The following FHAD1 variants were observed in gnomAD, a reference collection of about 807,000 sequenced individuals.
FHAD1 encodes the protein forkhead-associated domain-containing protein 1.
In FHAD1, 146 loss-of-function variants were observed where a neutral mutation model predicts 191.3. That is an observed-to-expected ratio of 0.76 (90% CI 0.67 to 0.88). The LOEUF (loss-of-function observed/expected upper bound fraction) is 0.88, where lower values mean the gene tolerates loss of function less well. FHAD1 is among the 40% of genes least tolerant of loss of function. The pLI is 0.00. For missense variants in FHAD1, 1,635 were observed against 1,785.8 expected (o/e 0.92, Z 1.52); for synonymous variants, 616 against 672.3 (o/e 0.92, Z 1.29).
chr1:15,371,818 A>T (rs547202190), intron 26 of FHAD1, among the ~76,000 whole-genome samples: 1 of 152,248 alleles, frequency 6.6e-6, no homozygotes, highest in South Asian at 2.1e-4. Flanking sequence ...GCGAGGCCGT[A>T]CTAAGCGCAG....
At chr1:15,390,427 G>C (rs1703679072) in intron 32 of FHAD1, among the ~76,000 whole-genome samples, 1 of 150,916 alleles carries the variant, frequency 6.6e-6, no homozygotes, top group African/African-American at 2.4e-5. Flanking sequence ...ATCTGCTGGT[G>C]ACACTAGGCC....
At chr1:15,369,090 A>C (rs111469676) in intron 25 of FHAD1, among the ~76,000 whole-genome samples, 179 of 152,318 alleles carry the variant, frequency 1.2e-3, no homozygotes, top group African/African-American at 4.2e-3. Flanking sequence ...AGCCACACAT[A>C]AAGTGTTAGA....
At position 15,313,823 on chromosome 1, in the gene FHAD1, A is replaced by G. The variant is rs139298021; in HGVS notation, c.1170+636A>G. On this transcript the variant is annotated intron_variant, in intron 8 of 33. Coordinates refer to ENST00000688493, the MANE Select transcript of FHAD1 (RefSeq NM_001391957.1). Reference sequence around the variant, plus strand: ...GGTGGCTAATGCCTGTAATCCCAGCACTTTTGGGAGGCCGAGGCTGGTGGA... The same window carrying G: ...GGTGGCTAATGCCTGTAATCCCAGCGCTTTTGGGAGGCCGAGGCTGGTGGA... Among the ~76,000 whole-genome samples the G allele has an allele frequency of 3.4e-3, 511 of 152,136 alleles. 5 individuals carry two copies. The highest frequency in any genetic ancestry group is 0.03 in the East Asian group (154 of 5,158).
Position 15,289,803 on chromosome 1 carries a change from AGAAAG to A in FHAD1, c.568+138_568+142del, listed in dbSNP as rs1663901035. On this transcript the variant is annotated intron_variant, in intron 4 of 33. Transcript: ENST00000688493. The surrounding 1 kb of genome is among the most constrained non-coding windows in gnomAD (Gnocchi z 4.2). Reference sequence around the variant, plus strand: ...AAATGAAAATAAATTCAGGATAAGCAGAAAGTAAGAAAACAGTTAAAAAATCAGCC... The same window carrying A: ...AAATGAAAATAAATTCAGGATAAGCATAAGAAAACAGTTAAAAAATCAGCC... The A allele has an allele frequency of 3.0e-6, 4 of 1,355,344 alleles. No homozygotes were observed. Among genetic ancestry groups the A allele is most frequent in the African/African-American group, 1.5e-5 (1 of 68,130 alleles). 84.0% of individuals were successfully genotyped at this position (1,355,344 alleles called of 1,614,324 possible). A position where few individuals can be genotyped will look rare whatever the true frequency, so the allele number is the denominator to read the frequency against.
chr1:15,323,619 T>A (rs1677116494), intron 10 of FHAD1, among the ~76,000 whole-genome samples: 1 of 152,166 alleles, frequency 6.6e-6, no homozygotes, highest in South Asian at 2.1e-4. Context: ...CTAGGAGAGT[T>A]TGTCTCATTT....
chr1:15,316,409 A>G lies in FHAD1; in HGVS notation c.1202A>G (p.Glu401Gly), dbSNP rs1674477634. Residue 401 changes from glutamate to glycine, a missense_variant, in exon 9 of 34, where the codon GAA becomes GGA. By Grantham distance (98) the Glu-to-Gly change is moderately conservative (BLOSUM62 -2). Coordinates refer to ENST00000688493, the MANE Select transcript of FHAD1 (RefSeq NM_001391957.1). The surrounding 1 kb of genome is among the most constrained non-coding windows in gnomAD (Gnocchi z 4.3). ...GTGCTAAAGGAAGAGTTAAAACAGG[A>G]AGATGCTCACAGGGAGCTCAGGGAA... ...CSVLKEELKQ[E>G]DAHRELREAQ... The G allele has an allele frequency of 6.4e-7, 1 of 1,551,620 alleles. No individual in the cohort carries two copies.
chr1:15,329,594 G>T lies in FHAD1; in HGVS notation c.1906+53G>T. On this transcript the variant is annotated intron_variant, in intron 14 of 33. Coordinates refer to ENST00000688493, the MANE Select transcript of FHAD1 (RefSeq NM_001391957.1). This position sits in a 1 kb window ranked among gnomAD's most constrained non-coding sequence, Gnocchi z 5.0. ...TTGCATGACTCTAAAATGTCGCGTT[G>T]AATCTCAGCATGATGGGACATCTGT... The T allele has an allele frequency of 6.7e-7, 1 of 1,499,240 alleles. No individual in the cohort carries two copies. The highest frequency in any genetic ancestry group is 1.2e-5 in the South Asian group (1 of 82,836). The allele number at this position is 1,499,240 out of a possible 1,614,324, so 92.9% of individuals were successfully genotyped here. A position where few individuals can be genotyped will look rare whatever the true frequency, so the allele number is the denominator to read the frequency against.
At chr1:15,387,571 C>T (rs755580151) in intron 31 of FHAD1, among the ~76,000 whole-genome samples, 13 of 151,956 alleles carry the variant, frequency 8.6e-5, no homozygotes, top group Non-Finnish European at 1.6e-4. Context: ...CAACATAGCA[C>T]GACCCCCATC....
At chr1:15,366,287 A>AAT (rs1220769962) in intron 24 of FHAD1, among the ~76,000 whole-genome samples, 2 of 149,754 alleles carry the variant, frequency 1.3e-5, no homozygotes, top group African/African-American at 4.9e-5. Flanking sequence ...TCTGTCTCAA[A>AAT]AAAAAAAAAA....
chr1:15,365,481 A>ATTTTTTTTTTTTTTTTTTTTTTTTT (rs71587751), intron 23 of FHAD1, among the ~76,000 whole-genome samples: 1 of 112,756 alleles, frequency 8.9e-6, no homozygotes, highest in Admixed American at 9.0e-5. Flanking sequence ...TGCCTGGCTA[A>ATTTTTTTTTTTTTTTTTTTTTTTTT]TTTTTTTTTT....
intron 4 of FHAD1, among the ~76,000 whole-genome samples, chr1:15,292,458 C>T (rs1018285098): frequency 7.9e-5 from 12 of 152,282 alleles, no homozygotes; most frequent in East Asian, 1.9e-4. Flanking sequence ...CTCAGCCTCC[C>T]GAGTAGCTGG....
Position 15,381,159 on chromosome 1 carries a change from A to T in FHAD1, c.3802-72A>T. ...CAGAAAGTGAATGAAACAGAATTAG[A>T]CATTGGCCTCCTTAAAGCGGCCACC... On this transcript the variant is annotated intron_variant, in intron 29 of 33. Transcript: ENST00000688493. This position sits in a 1 kb window ranked among gnomAD's most constrained non-coding sequence, Gnocchi z 4.6. 1 of 965,384 alleles carries T rather than the reference A, an allele frequency of 1.0e-6. No homozygotes were observed. The highest frequency in any genetic ancestry group is 1.6e-6 in the Non-Finnish European group (1 of 630,740). The allele number at this position is 965,384 out of a possible 1,614,324, so 59.8% of individuals were successfully genotyped here. A position where few individuals can be genotyped will look rare whatever the true frequency, so the allele number is the denominator to read the frequency against.
chr1:15,273,641 A>G (rs549970391), intron 3 of FHAD1, among the ~76,000 whole-genome samples: 2 of 152,350 alleles, frequency 1.3e-5, no homozygotes, highest in South Asian at 2.1e-4. Context: ...GAACATTGCC[A>G]TCACCATGTA....
At chr1:15,278,727 G>T (rs994156863) in intron 3 of FHAD1, among the ~76,000 whole-genome samples, 7 of 151,992 alleles carry the variant, frequency 4.6e-5, no homozygotes, top group African/African-American at 1.7e-4. Context: ...GCCCACCTTG[G>T]CCTCCCAAAG....
At chr1:15,385,467 C>T (rs928990418) in intron 31 of FHAD1, among the ~76,000 whole-genome samples, 2 of 152,170 alleles carry the variant, frequency 1.3e-5, no homozygotes, top group Admixed American at 6.5e-5. Flanking sequence ...CATCTCTTCA[C>T]GGAGCAGAAC....
chr1:15,357,576 T>A, intron 20 of FHAD1, among the ~76,000 whole-genome samples: 1 of 135,664 alleles, frequency 7.4e-6, no homozygotes, highest in Non-Finnish European at 1.5e-5. Flanking sequence ...TGAGCTGAGA[T>A]AGCACCGTTG....
chr1:15,343,333 C>T (rs1181393018), intron 16 of FHAD1, among the ~76,000 whole-genome samples: 8 of 152,094 alleles, frequency 5.3e-5, no homozygotes, highest in Admixed American at 3.9e-4. Flanking sequence ...TGTGGAGCAG[C>T]GTGTGCATGC....
chr1:15,380,894 C>A, intron 29 of FHAD1, 98 bp downstream of exon 29: 1 of 848,552 alleles, frequency 1.2e-6, no homozygotes, highest in Non-Finnish European at 1.9e-6. Flanking sequence ...CCTCACATGC[C>A]TATTTAGTTA....
rs570938984 is a variant in FHAD1 at position 15,343,180 on chromosome 1, A to G, written c.2130+1292A>G. 1.1e-3 allele frequency among the ~76,000 whole-genome samples: 170 copies of G among 152,230 alleles called. 1 individual carries two copies. Among genetic ancestry groups the G allele is most frequent in the African/African-American group, 3.6e-3 (148 of 41,542 alleles). ...TTTGTCATTTAGGAGATTAAAAATT[A>G]CTAATGCCTTGCACCTCTCCCCGCC... On this transcript the variant is annotated intron_variant, in intron 16 of 33. Transcript: ENST00000688493.
Sources: allele counts gnomAD v4.1 joint callset (sites outside exome capture counted in the v4.1 genomes callset), GRCh38; gene constraint gnomAD v4.1.1; non-coding constraint Gnocchi (gnomAD v3.1); transcripts MANE v1.5; gene names NCBI Gene and HGNC (gene_info 2026-07-23, HGNC 2026-07-21).